SNX16: variants seen among roughly 807,000 people sequenced by gnomAD.
The protein encoded by SNX16 is sorting nexin 16.
Under a neutral mutation model 36.7 loss-of-function variants are expected in SNX16, and 35 were observed. The ratio of observed to expected loss-of-function variants is 0.95; its 90% confidence interval spans 0.73 to 1.27. SNX16 has a LOEUF of 1.27. Among genes scored for constraint, SNX16 ranks in the 50% most tolerant of loss-of-function variants. The pLI is 0.00. For missense variants in SNX16, 367 were observed against 393.6 expected (o/e 0.93, Z 0.57); for synonymous variants, 134 against 132.0 (o/e 1.02, Z -0.10).
intron 5 of SNX16, among the ~76,000 whole-genome samples, chr8:81,814,175 C>T (rs777146191): frequency 4.0e-5 from 6 of 151,854 alleles, no homozygotes; most frequent in Non-Finnish European, 7.4e-5. Context: ...TCCAAGTATC[C>T]CTCAATGGGT....
At chr8:81,824,140 T>A (rs572075426) in intron 3 of SNX16, among the ~76,000 whole-genome samples, 200 bp from the exon 4 acceptor site, 2 of 152,294 alleles carry the variant, frequency 1.3e-5, no homozygotes, top group African/African-American at 4.8e-5. Flanking sequence ...TCTTTCCACA[T>A]CCTTGCCAGA....
chr8:81,801,289 A>G lies in SNX16; in HGVS notation c.*208T>C. Reference sequence around the variant, plus strand: ...AACAAGATTTTTTTTAGTGTATTAAATGTAATTGGATAAAATACAATTAAA... The same window carrying G: ...AACAAGATTTTTTTTAGTGTATTAAGTGTAATTGGATAAAATACAATTAAA... On this transcript the variant is annotated 3_prime_UTR_variant, in exon 8 of 8. Coordinates refer to ENST00000345957, the MANE Select transcript of SNX16 (RefSeq NM_152836.3). 2.5e-6 allele frequency: 1 copy of G among 395,352 alleles called. No individual in the cohort carries two copies. The highest frequency in any genetic ancestry group is 4.5e-6 in the Non-Finnish European group (1 of 222,036). The allele number at this position is 395,352 out of a possible 1,614,324, so 24.5% of individuals were successfully genotyped here.
chr8:81,823,743 C>T, intron 4 of SNX16, 49 bp downstream of exon 4: 2 of 1,472,962 alleles, frequency 1.4e-6, no homozygotes, highest in Non-Finnish European at 1.8e-6. Context: ...TTAATTTACG[C>T]CAGTTATTGG....
intron 3 of SNX16, among the ~76,000 whole-genome samples, chr8:81,826,404 C>A (rs1202609211): frequency 1.3e-5 from 2 of 152,114 alleles, no homozygotes; most frequent in Admixed American, 1.3e-4. Context: ...CTGGAAGCAA[C>A]TGAGAACAGT....
At chr8:81,803,407 TTAAC>T (rs1413850121) in intron 5 of SNX16, among the ~76,000 whole-genome samples, 179 bp from the exon 6 acceptor site, 1 of 152,026 alleles carries the variant, frequency 6.6e-6, no homozygotes, top group Non-Finnish European at 1.5e-5. Context: ...CACTGGTATC[TTAAC>T]TTTAGTTCCC....
chr8:81,838,200 CA>C (rs1340535456), intron 2 of SNX16, among the ~76,000 whole-genome samples: 1 of 151,814 alleles, frequency 6.6e-6, no homozygotes, highest in Non-Finnish European at 1.5e-5. Context: ...AACCCTGCAC[CA>C]AAAACAACAA....
intron 2 of SNX16, among the ~76,000 whole-genome samples, chr8:81,836,222 C>T (rs1255232795): frequency 6.6e-6 from 1 of 152,142 alleles, no homozygotes; most frequent in South Asian, 2.1e-4. Context: ...AGACTAGACA[C>T]CTTATATATT....
Position 81,840,032 on chromosome 8 carries a change from T to TA in SNX16, c.-47dup. 3 of 1,525,856 alleles carry TA rather than the reference T, an allele frequency of 2.0e-6. No homozygotes were observed. Among genetic ancestry groups the TA allele is most frequent in the Non-Finnish European group, 2.6e-6 (3 of 1,142,582 alleles). 94.5% of individuals were successfully genotyped at this position (1,525,856 alleles called of 1,614,324 possible). ...AAGCTTGCACACTGTTGAGTCCACT[T>TA]AGAGAACAACTAATATGCAATCCAT... On this transcript the variant is annotated 5_prime_UTR_variant, in exon 2 of 8. It removes the in-frame stop codon of an upstream open reading frame in the 5' UTR. Transcript: ENST00000345957.
At position 81,831,195 on chromosome 8, in the gene SNX16, A is replaced by G. The variant is rs114662132; in HGVS notation, c.376-1679T>C. On this transcript the variant is annotated intron_variant, in intron 2 of 7. Transcript: ENST00000345957. ...AAACCTATGAAACACCATTCTGGAC[A>G]TCGGCCTTGGGAAAGAATTTATGAC... Among the ~76,000 whole-genome samples the G allele has an allele frequency of 8.2e-3, 1,251 of 152,340 alleles. 13 individuals carry two copies. Among genetic ancestry groups the G allele is most frequent in the African/African-American group, 0.028 (1,180 of 41,578 alleles).
At chr8:81,811,654 G>C (rs1032282595) in intron 5 of SNX16, among the ~76,000 whole-genome samples, 1 of 152,122 alleles carries the variant, frequency 6.6e-6, no homozygotes, top group Non-Finnish European at 1.5e-5. Flanking sequence ...GTCCAGGCAA[G>C]TTACTAAACA....
At chr8:81,823,498 T>C (rs1810870257) in intron 4 of SNX16, among the ~76,000 whole-genome samples, 3 of 152,240 alleles carry the variant, frequency 2.0e-5, no homozygotes, top group Middle Eastern at 6.8e-3. Context: ...GTTTAAGTCA[T>C]TGCTAAAATA....
chr8:81,822,926 G>GTATA (rs10548631), intron 4 of SNX16, among the ~76,000 whole-genome samples: 4 of 130,194 alleles, frequency 3.1e-5, no homozygotes, highest in African/African-American at 1.2e-4. Context: ...AGCAAGATGT[G>GTATA]TATATATATA....
intron 5 of SNX16, chr8:81,808,456 C>T (rs1295099511): frequency 1.2e-5 from 13 of 1,055,616 alleles, no homozygotes; most frequent in East Asian, 1.2e-4. Flanking sequence ...GGTGGCTTTG[C>T]TGACAGCTGT....
chr8:81,806,673 T>C (rs1296789491), intron 5 of SNX16, among the ~76,000 whole-genome samples: 1 of 152,016 alleles, frequency 6.6e-6, no homozygotes, highest in Non-Finnish European at 1.5e-5. Context: ...AAAGAATCTA[T>C]CTAGCAAAAT....
chr8:81,829,797 C>G (rs1811171388), intron 2 of SNX16, among the ~76,000 whole-genome samples: 1 of 151,998 alleles, frequency 6.6e-6, no homozygotes, highest in Non-Finnish European at 1.5e-5. Flanking sequence ...TGATTTATGT[C>G]AATATATTCT....
chr8:81,830,900 A>T (rs914533968), intron 2 of SNX16, among the ~76,000 whole-genome samples: 13 of 152,238 alleles, frequency 8.5e-5, no homozygotes, highest in Non-Finnish European at 1.9e-4. Context: ...ACAGCATGGT[A>T]CTGGTACAAA....
At chr8:81,802,342 T>C in intron 7 of SNX16, 38 bp downstream of exon 7, 1 of 1,536,402 alleles carries the variant, frequency 6.5e-7, no homozygotes, top group Non-Finnish European at 8.8e-7. Flanking sequence ...CCTCCAATTA[T>C]TCAAGAATTA....
chr8:81,812,535 G>A (rs1333697989), intron 5 of SNX16, among the ~76,000 whole-genome samples: 1 of 151,774 alleles, frequency 6.6e-6, no homozygotes, highest in African/African-American at 2.4e-5. Context: ...AGTGCTGGAA[G>A]AAAAAAATCT....
intron 2 of SNX16, among the ~76,000 whole-genome samples, chr8:81,837,167 C>T (rs1811527627): frequency 6.6e-6 from 1 of 152,202 alleles, no homozygotes; most frequent in Non-Finnish European, 1.5e-5. Flanking sequence ...TGTGACATAT[C>T]AGGCGTCTTA....
Sources: gnomAD v4.1 joint callset for allele counts (sites outside exome capture counted in the v4.1 genomes callset) on GRCh38, gnomAD v4.1.1 for gene constraint, MANE v1.5 for transcripts, NCBI Gene and HGNC (gene_info 2026-07-23, HGNC 2026-07-21) for gene names.